Variants in ZSCAN18 observed in about 807,000 individuals in gnomAD.
ZSCAN18 encodes zinc finger and SCAN domain containing 18, also known as zinc finger and SCAN domain-containing protein 18.
Under a neutral mutation model 31.1 loss-of-function variants are expected in ZSCAN18, and 16 were observed. The ratio of observed to expected loss-of-function variants is 0.51; its 90% CI spans 0.35 to 0.78. The LOEUF (loss-of-function observed/expected upper bound fraction) is 0.78, where lower values mean the gene tolerates loss of function less well. Ranked by LOEUF, ZSCAN18 falls within the 30% of genes least tolerant of loss-of-function variation. The pLI is 0.01. For synonymous variants in ZSCAN18, 375 were observed against 320.7 expected, an observed-to-expected ratio of 1.17 and a Z score of -1.81; for missense variants, 731 against 697.4, an observed-to-expected ratio of 1.05 and a Z score of -0.54.
chr19:58,087,387 G>A lies in ZSCAN18; in HGVS notation c.571C>T (p.Pro191Ser). 6.2e-7 allele frequency: 1 copy of A among 1,601,814 alleles called. No individual in the cohort carries two copies. The highest frequency in any genetic ancestry group is 8.5e-7 in the Non-Finnish European group (1 of 1,173,798). The change falls in exon 4 of 7, where the codon CCC becomes TCC. Residue 191 changes from proline (P) to serine (S), a missense_variant. By Grantham distance (74) the Pro-to-Ser change is moderately conservative (BLOSUM62 -1). Transcript: ENST00000601144. Reference sequence around the variant, plus strand: ...ACCCTCCTCTGTTCCAGAAACAGGGGGTCCGGAGAAAGCCAGGCTGGGGAG... The same window carrying A: ...ACCCTCCTCTGTTCCAGAAACAGGGAGTCCGGAGAAAGCCAGGCTGGGGAG... ...PSETPWLSPD[P>S]LFLEQRRVRE...
At chr19:58,103,607 G>A (rs10775573) in intron 1 of ZSCAN18, among the ~76,000 whole-genome samples, 85,342 of 152,022 alleles carry the variant, frequency 0.56, 25,881 homozygotes, top group Non-Finnish European at 0.68. Flanking sequence ...CCACCAACCT[G>A]CCATTGCTCG....
rs1352215184 is a variant in ZSCAN18, at chr19:58,085,880, G to A, written c.838+294C>T. On this transcript the variant is annotated intron_variant, in intron 6 of 6. Coordinates refer to ENST00000601144, the MANE Select transcript of ZSCAN18 (RefSeq NM_001145543.2). ...TCTAGGTGTTCTTGTTGGTGTGCTG[G>A]CACAGAGCCTCCAATGGGGCAGAAC... 5 of 390,998 alleles carry A rather than the reference G, an allele frequency of 1.3e-5. No individual in the cohort carries two copies. In the East Asian group the frequency reaches 1.3e-4, roughly 10 times the overall value. The allele number at this position is 390,998 out of a possible 1,614,324, so 24.2% of individuals were successfully genotyped here.
upstream of ZSCAN18, among the ~76,000 whole-genome samples, chr19:58,098,874 A>G (rs1191772893): frequency 6.6e-6 from 1 of 152,188 alleles, no homozygotes; most frequent in African/African-American, 2.4e-5. Context: ...AATGGGTTCT[A>G]CAGTTTCAAG....
intron 1 of ZSCAN18, among the ~76,000 whole-genome samples, chr19:58,117,714 C>G (rs7251261): frequency 0.74 from 105,669 of 143,650 alleles, 40,085 homozygotes; most frequent in Non-Finnish European, 0.84. Context: ...CATCTGTGCC[C>G]GCAGGAAAAA....
intron 1 of ZSCAN18, among the ~76,000 whole-genome samples, chr19:58,093,008 C>A (rs2074444926): frequency 6.6e-6 from 1 of 152,090 alleles, no homozygotes; most frequent in African/African-American, 2.4e-5. Flanking sequence ...AACTTCTGGA[C>A]TCAAGGGATA....
intron 1 of ZSCAN18, among the ~76,000 whole-genome samples, chr19:58,103,237 G>A (rs12977390): frequency 0.56 from 85,389 of 152,106 alleles, 25,891 homozygotes; most frequent in Non-Finnish European, 0.68. Flanking sequence ...AAGGAAATAC[G>A]GTAAGTCTTT....
chr19:58,098,731 G>C (rs2074566817), upstream of ZSCAN18, among the ~76,000 whole-genome samples: 1 of 152,162 alleles, frequency 6.6e-6, no homozygotes, highest in Admixed American at 6.5e-5. Flanking sequence ...CTCAGGCTCA[G>C]GAAAAGAGAG....
At chr19:58,093,443 G>A (rs1432346879) in intron 1 of ZSCAN18, 2 of 152,172 alleles carry the variant, frequency 1.3e-5, no homozygotes, top group Non-Finnish European at 2.9e-5. Flanking sequence ...AGGGCACAGG[G>A]GACAACCTCA....
In ZSCAN18 at chr19:58,090,867, G is replaced by C. The variant is rs917625312; in HGVS notation, c.-119-481C>G. On this transcript the variant is annotated intron_variant, in intron 1 of 6. Coordinates refer to ENST00000601144, the MANE Select transcript of ZSCAN18 (RefSeq NM_001145543.2). This position sits in a 1 kb window ranked among gnomAD's most constrained non-coding sequence, Gnocchi z 4.7. ...AGCCTCCCAAAGTGCTGGGATTACAGGTGTGAGCCACTGCGCCCAGCATCA... is the reference window on the plus strand; with the variant it reads ...AGCCTCCCAAAGTGCTGGGATTACACGTGTGAGCCACTGCGCCCAGCATCA... Among the ~76,000 whole-genome samples the C allele has an allele frequency of 1.6e-4, 25 of 151,588 alleles. No homozygotes were observed. The highest frequency in any genetic ancestry group is 6.1e-4 in the African/African-American group (25 of 41,222).
At chr19:58,113,582 T>G (rs1367250280) in intron 1 of ZSCAN18, among the ~76,000 whole-genome samples, 1 of 152,196 alleles carries the variant, frequency 6.6e-6, no homozygotes, top group African/African-American at 2.4e-5. Context: ...GAGGCAGGTT[T>G]GCTTGACCCA....
rs61736354 is a variant in ZSCAN18, at chr19:58,090,085, G to A, written c.183C>T (p.Ala61=). ...RFREFVYQEA[A]GPHQTLARLH... ...GCCGGGCCAGGGTCTGGTGGGGCCCGGCAGCCTCCTGGTAGACAAATTCCC... is the reference window on the plus strand; with the variant it reads ...GCCGGGCCAGGGTCTGGTGGGGCCCAGCAGCCTCCTGGTAGACAAATTCCC... The change falls in exon 2 of 7, where the codon GCC becomes GCT. Residue 61 remains alanine, a synonymous_variant. Coordinates refer to ENST00000601144, the MANE Select transcript of ZSCAN18 (RefSeq NM_001145543.2). This position sits in a 1 kb window ranked among gnomAD's most constrained non-coding sequence, Gnocchi z 4.7. The A allele has an allele frequency of 3.0e-3, 4,916 of 1,613,726 alleles. 124 individuals are homozygous for A. In the African/African-American group the frequency reaches 0.055, roughly 18 times the overall value.
chr19:58,095,642 C>G (rs2074505873), intron 1 of ZSCAN18, among the ~76,000 whole-genome samples: 1 of 152,188 alleles, frequency 6.6e-6, no homozygotes, highest in East Asian at 1.9e-4. Flanking sequence ...AGCAAGGGTC[C>G]TCGGCCATTG....
chr19:58,089,279 G>C (rs976634029), intron 2 of ZSCAN18, among the ~76,000 whole-genome samples: 2 of 117,690 alleles, frequency 1.7e-5, no homozygotes, highest in African/African-American at 3.3e-5. Flanking sequence ...CTCCAGCCTG[G>C]GCGACAGAGC....
chr19:58,095,547 C>G (rs2146001960), intron 1 of ZSCAN18, among the ~76,000 whole-genome samples: 1 of 152,326 alleles, frequency 6.6e-6, no homozygotes. Context: ...GTGGGCAGAT[C>G]CCAGCCAGCT....
At chr19:58,101,322 T>TTTTTTTTTTA (rs2074592447), upstream of ZSCAN18, among the ~76,000 whole-genome samples, 1 of 109,690 alleles carries the variant, frequency 9.1e-6, no homozygotes, top group Non-Finnish European at 2.1e-5. Context: ...TTTTTTTTTT[T>TTTTTTTTTTA]GTATTTTTAG....
At chr19:58,088,212 A>G in intron 3 of ZSCAN18, 1 of 158,550 alleles carries the variant, frequency 6.3e-6, no homozygotes, top group Non-Finnish European at 1.4e-5. Flanking sequence ...TAGGATGGGG[A>G]TGGGCTGAGC....
At chr19:58,109,215 T>C (rs752975309) in intron 1 of ZSCAN18, 1 of 1,231,692 alleles carries the variant, frequency 8.1e-7, no homozygotes, top group Non-Finnish European at 1.0e-6. Context: ...GAATCATCCC[T>C]GATGAACCTT....
intron 1 of ZSCAN18, among the ~76,000 whole-genome samples, chr19:58,097,288 G>T (rs932776143): frequency 6.6e-6 from 1 of 152,094 alleles, no homozygotes; most frequent in East Asian, 1.9e-4. Flanking sequence ...GGGAAAGCCA[G>T]ATAGTCTGGA....
chr19:58,113,065 C>A (rs1600016127), intron 1 of ZSCAN18, among the ~76,000 whole-genome samples: 1 of 151,200 alleles, frequency 6.6e-6, no homozygotes, highest in Non-Finnish European at 1.5e-5. Flanking sequence ...TCTGTAATTC[C>A]AACACTTTGG....
Sources: allele counts gnomAD v4.1 joint callset (sites outside exome capture counted in the v4.1 genomes callset), GRCh38; gene constraint gnomAD v4.1.1; non-coding constraint Gnocchi (gnomAD v3.1); transcripts MANE v1.5; gene names NCBI Gene and HGNC (gene_info 2026-07-23, HGNC 2026-07-21).